The following NIPSNAP2 variants were observed in gnomAD, a reference collection of about 807,000 sequenced individuals.
NIPSNAP2 encodes the protein protein NipSnap homolog 2.
A neutral mutation model predicts 48.4 loss-of-function variants in NIPSNAP2; 42 were observed. That is an observed-to-expected ratio of 0.87 (90% CI 0.68 to 1.12). The LOEUF (loss-of-function observed/expected upper bound fraction) is 1.12, where lower values mean the gene tolerates loss of function less well. NIPSNAP2 is among the 50% of genes most tolerant of loss of function. NIPSNAP2 has a pLI of 0.00. For synonymous variants in NIPSNAP2, 158 were observed against 126.6 expected, an observed-to-expected ratio of 1.25 and a Z score of -1.67; for missense variants, 314 against 347.3, an observed-to-expected ratio of 0.90 and a Z score of 0.76.
At chr7:55,997,662 T>A (rs1375182274) in intron 9 of NIPSNAP2, among the ~76,000 whole-genome samples, 1 of 152,216 alleles carries the variant, frequency 6.6e-6, no homozygotes, top group East Asian at 1.9e-4. Context: ...AATAGGTATA[T>A]CATCTGTTAC....
intron 1 of NIPSNAP2, among the ~76,000 whole-genome samples, chr7:55,968,022 C>G (rs1786933792): frequency 6.6e-6 from 1 of 152,058 alleles, no homozygotes; most frequent in Admixed American, 6.6e-5. Flanking sequence ...CTCCTGGCCT[C>G]AAGCAGTCCT....
intron 3 of NIPSNAP2, 91 bp downstream of exon 3, chr7:55,978,486 T>C: frequency 9.0e-7 from 1 of 1,108,256 alleles, no homozygotes; most frequent in Non-Finnish European, 1.3e-6. Flanking sequence ...TAGAGAGAGA[T>C]CTTTCATCCC....
chr7:55,966,798 A>C (rs984641635), intron 1 of NIPSNAP2, among the ~76,000 whole-genome samples: 4 of 152,126 alleles, frequency 2.6e-5, no homozygotes, highest in Non-Finnish European at 5.9e-5. Context: ...AAAACAAACA[A>C]AAAAATATAG....
chr7:55,973,092 T>C (rs904262744), intron 1 of NIPSNAP2, among the ~76,000 whole-genome samples: 5 of 151,862 alleles, frequency 3.3e-5, no homozygotes, highest in African/African-American at 9.6e-5. Context: ...AGTGACAAAG[T>C]GAGACCCTGT....
At chr7:55,974,022 C>G (rs554496289) in intron 1 of NIPSNAP2, among the ~76,000 whole-genome samples, 1 of 151,830 alleles carries the variant, frequency 6.6e-6, no homozygotes, top group Non-Finnish European at 1.5e-5. Context: ...GCCAGGAATT[C>G]GAGACCAACC....
chr7:55,996,298 AAAAG>A (rs1387948774), intron 8 of NIPSNAP2, among the ~76,000 whole-genome samples: 1 of 151,754 alleles, frequency 6.6e-6, no homozygotes, highest in Non-Finnish European at 1.5e-5. Flanking sequence ...AAAAAAAAAA[AAAAG>A]AAAAGAAACC....
intron 7 of NIPSNAP2, among the ~76,000 whole-genome samples, chr7:55,985,275 G>T (rs1046351934): frequency 6.6e-6 from 1 of 151,920 alleles, no homozygotes; most frequent in African/African-American, 2.4e-5. Flanking sequence ...CATACTTCTT[G>T]GATATCATCT....
chr7:55,984,906 T>C, intron 7 of NIPSNAP2, 28 bp downstream of exon 7: 1 of 1,584,652 alleles, frequency 6.3e-7, no homozygotes, highest in African/African-American at 1.3e-5. Context: ...TGGTGATTTT[T>C]TAAGTCTTGT....
At position 55,999,090 on chromosome 7, in the gene NIPSNAP2, G is replaced by GT; in HGVS notation, c.*19dup. 6.3e-7 allele frequency: 1 copy of GT among 1,584,466 alleles called. No individual in the cohort carries two copies. Among genetic ancestry groups the GT allele is most frequent in the Non-Finnish European group, 8.7e-7 (1 of 1,154,206 alleles). On this transcript the variant is annotated 3_prime_UTR_variant, in exon 10 of 10. Coordinates refer to ENST00000322090, the MANE Select transcript of NIPSNAP2 (RefSeq NM_001483.3). ...TCCAGTAAAGCTGTAGAGTTTCTAT[G>GT]TGCCTACATACATTTCTGTGACAAG...
chr7:55,989,762 T>G (rs1787405665), intron 7 of NIPSNAP2, among the ~76,000 whole-genome samples: 1 of 152,112 alleles, frequency 6.6e-6, no homozygotes, highest in African/African-American at 2.4e-5. Context: ...ATTGTTGGTG[T>G]TTTCTTTTTA....
chr7:55,976,589 A>G (rs1298539835), intron 1 of NIPSNAP2, among the ~76,000 whole-genome samples: 1 of 152,136 alleles, frequency 6.6e-6, no homozygotes, highest in African/African-American at 2.4e-5. Flanking sequence ...ATGCACATAG[A>G]TATTTGTGAA....
intron 1 of NIPSNAP2, among the ~76,000 whole-genome samples, chr7:55,971,470 G>A (rs1787014684): frequency 6.6e-6 from 1 of 152,020 alleles, no homozygotes; most frequent in African/African-American, 2.4e-5. Flanking sequence ...ATTATTATTT[G>A]TTTGTTTGTT....
intron 9 of NIPSNAP2, among the ~76,000 whole-genome samples, chr7:55,997,781 C>T (rs1182349089): frequency 6.6e-6 from 1 of 152,030 alleles, no homozygotes; most frequent in Non-Finnish European, 1.5e-5. Flanking sequence ...CTAAGCTTTC[C>T]TTTTCCATCA....
chr7:55,988,708 C>A (rs944519147), intron 7 of NIPSNAP2, among the ~76,000 whole-genome samples: 1 of 151,942 alleles, frequency 6.6e-6, no homozygotes, highest in Middle Eastern at 3.4e-3. Flanking sequence ...AAAATAAATA[C>A]CAAAAACGTA....
At chr7:55,968,384 CTTTT>C (rs558409351) in intron 1 of NIPSNAP2, among the ~76,000 whole-genome samples, 1 of 139,936 alleles carries the variant, frequency 7.1e-6, no homozygotes. Context: ...ACTCTACTTT[CTTTT>C]TTTTTTTTTT....
chr7:55,964,717 C>G lies in NIPSNAP2; in HGVS notation c.92+16C>G. The G allele has an allele frequency of 9.0e-7, 1 of 1,116,430 alleles. No individual in the cohort carries two copies. Among genetic ancestry groups the G allele is most frequent in the South Asian group, 4.3e-5 (1 of 23,100 alleles). The allele number at this position is 1,116,430 out of a possible 1,614,324, so 69.2% of individuals were successfully genotyped here. A position where few individuals can be genotyped will look rare whatever the true frequency, so the allele number is the denominator to read the frequency against. ...CCAGGCTCCGGTGAGCAGCGCCGCC[C>G]TTCCCGGGAGGTGCCGGGGAGGGGC... On this transcript the variant is annotated intron_variant, in intron 1 of 9. Transcript: ENST00000322090.
At chr7:55,983,025 A>G (rs374041915) in intron 5 of NIPSNAP2, among the ~76,000 whole-genome samples, 100 of 152,216 alleles carry the variant, frequency 6.6e-4, no homozygotes, top group African/African-American at 2.3e-3. Context: ...CGGGAGGCTG[A>G]GGCACGAGAA....
intron 3 of NIPSNAP2, chr7:55,978,601 G>A: frequency 3.6e-6 from 2 of 557,176 alleles, no homozygotes; most frequent in South Asian, 4.7e-5. Context: ...CATCATATAG[G>A]CTATCAGACT....
At chr7:55,985,123 A>C (rs1347824321) in intron 7 of NIPSNAP2, among the ~76,000 whole-genome samples, 1 of 152,180 alleles carries the variant, frequency 6.6e-6, no homozygotes, top group Non-Finnish European at 1.5e-5. Flanking sequence ...GTTTAGGCCT[A>C]ACTCCTTCAA....
Sources: gnomAD v4.1 joint callset for allele counts (sites outside exome capture counted in the v4.1 genomes callset) on GRCh38, gnomAD v4.1.1 for gene constraint, MANE v1.5 for transcripts, NCBI Gene and HGNC (gene_info 2026-07-23, HGNC 2026-07-21) for gene names.